Variants in VPS54 observed in about 807,000 individuals in gnomAD.
VPS54 encodes the protein VPS54 subunit of GARP complex.
Under a neutral mutation model 121.5 loss-of-function variants are expected in VPS54, and 45 were observed. The ratio of observed to expected loss-of-function variants is 0.37; its 90% CI spans 0.29 to 0.47. The LOEUF (loss-of-function observed/expected upper bound fraction) is 0.47. VPS54 is among the 20% of genes least tolerant of loss of function. The pLI is 0.99. For synonymous variants in VPS54, 371 were observed against 385.8 expected (o/e 0.96, Z 0.45); for missense variants, 1,090 against 1,131.4 (o/e 0.96, Z 0.52).
At chr2:63,969,706 C>G (rs958107855) in intron 4 of VPS54, among the ~76,000 whole-genome samples, 1 of 152,100 alleles carries the variant, frequency 6.6e-6, no homozygotes, top group Non-Finnish European at 1.5e-5. Context: ...CCCCGCAAAC[C>G]CCTTGGTCTA....
In VPS54 at chr2:63,937,866, T is replaced by C. The variant is rs553108160; in HGVS notation, c.1399-3853A>G. On this transcript the variant is annotated intron_variant, in intron 11 of 22. Coordinates refer to ENST00000272322, the MANE Select transcript of VPS54 (RefSeq NM_016516.3). Reference sequence around the variant, plus strand: ...AACATGCTACAACACAGATGGCACCTTGAGGACATTAAGCTACATTAAATA... The same window carrying C: ...AACATGCTACAACACAGATGGCACCCTGAGGACATTAAGCTACATTAAATA... 5.9e-5 allele frequency among the ~76,000 whole-genome samples: 9 copies of C among 152,270 alleles called. No individual in the cohort carries two copies. The East Asian group carries it at 1.7e-3, about 29-fold the overall frequency.
chr2:64,015,042 C>A (rs763886571), intron 1 of VPS54, among the ~76,000 whole-genome samples: 3 of 151,714 alleles, frequency 2.0e-5, no homozygotes, highest in Non-Finnish European at 4.4e-5. Flanking sequence ...AAGTGTTATA[C>A]ATACATATAT....
chr2:63,985,907 T>A (rs1677030184), intron 1 of VPS54, among the ~76,000 whole-genome samples: 1 of 152,178 alleles, frequency 6.6e-6, no homozygotes, highest in Non-Finnish European at 1.5e-5. Context: ...TTAAGAGAGA[T>A]AAACATGTAT....
intron 1 of VPS54, among the ~76,000 whole-genome samples, chr2:64,000,165 A>G (rs1230280622): frequency 6.6e-6 from 1 of 152,102 alleles, no homozygotes; most frequent in African/African-American, 2.4e-5. Context: ...CGGCCGATCA[A>G]CTGCTTTTAA....
chr2:63,893,704 AT>A (rs1282629665), intron 22 of VPS54, among the ~76,000 whole-genome samples, 169 bp from the exon 23 acceptor site: 1 of 152,242 alleles, frequency 6.6e-6, no homozygotes, highest in African/African-American at 2.4e-5. Context: ...TAAGTAGGCC[AT>A]TTAATGCTGT....
chr2:63,899,361 AATC>A (rs1224805591), intron 21 of VPS54, 110 bp downstream of exon 21: 2 of 846,890 alleles, frequency 2.4e-6, no homozygotes, highest in Non-Finnish European at 3.6e-6. Context: ...AAAAAATGAT[AATC>A]ATATTGGAAC....
chr2:64,013,007 C>A (rs1421633567), intron 1 of VPS54, among the ~76,000 whole-genome samples: 1 of 152,198 alleles, frequency 6.6e-6, no homozygotes, highest in African/African-American at 2.4e-5. Context: ...AATCCTCCAA[C>A]ATAATGACTG....
intron 3 of VPS54, among the ~76,000 whole-genome samples, chr2:63,978,545 C>A (rs1485495689): frequency 6.6e-6 from 1 of 152,210 alleles, no homozygotes; most frequent in Non-Finnish European, 1.5e-5. Context: ...CCATGTGGAT[C>A]TGAGCTTTCT....
At chr2:63,974,960 G>C in intron 3 of VPS54, 2 of 1,541,528 alleles carry the variant, frequency 1.3e-6, no homozygotes, top group East Asian at 4.9e-5. Flanking sequence ...AATGTTAAAA[G>C]AAACAGTGAC....
rs1451824565 is a variant in VPS54 at position 63,949,241 on chromosome 2, G to T, written c.1011-78C>A. On this transcript the variant is annotated intron_variant, in intron 7 of 22. Coordinates refer to ENST00000272322, the MANE Select transcript of VPS54 (RefSeq NM_016516.3). Reference sequence around the variant, plus strand: ...CGCTCCACAATCAAGGGAACTAGTAGGTAAAACTTTTTCAGTTGACAGTAC... The same window carrying T: ...CGCTCCACAATCAAGGGAACTAGTATGTAAAACTTTTTCAGTTGACAGTAC... 9 of 1,451,386 alleles carry T rather than the reference G, an allele frequency of 6.2e-6. No individual in the cohort carries two copies. The African/African-American group carries it at 1.3e-4, about 21-fold the overall frequency. The allele number at this position is 1,451,386 out of a possible 1,614,324, so 89.9% of individuals were successfully genotyped here.
chr2:63,894,315 G>A (rs1415120928), intron 22 of VPS54, among the ~76,000 whole-genome samples: 1 of 152,146 alleles, frequency 6.6e-6, no homozygotes, highest in Admixed American at 6.5e-5. Context: ...CACACCATTA[G>A]ACATGTATAA....
chr2:63,953,459 A>C (rs1675352020), intron 7 of VPS54, among the ~76,000 whole-genome samples: 1 of 152,142 alleles, frequency 6.6e-6, no homozygotes, highest in Non-Finnish European at 1.5e-5. Context: ...AATGCCACAA[A>C]TGTATTATAT....
intron 8 of VPS54, among the ~76,000 whole-genome samples, chr2:63,948,134 G>A (rs1309439707): frequency 6.6e-6 from 1 of 152,026 alleles, no homozygotes; most frequent in African/African-American, 2.4e-5. Flanking sequence ...CCTCACCCAT[G>A]CTTTGTAATG....
chr2:63,904,802 G>A (rs1335904013), intron 20 of VPS54, among the ~76,000 whole-genome samples: 1 of 152,112 alleles, frequency 6.6e-6, no homozygotes, highest in Non-Finnish European at 1.5e-5. Context: ...GCCACATTCT[G>A]GGCCACAAAA....
chr2:63,933,474 T>C (rs899873898), intron 12 of VPS54, among the ~76,000 whole-genome samples, 199 bp downstream of exon 12: 1 of 152,216 alleles, frequency 6.6e-6, no homozygotes, highest in Non-Finnish European at 1.5e-5. Flanking sequence ...CTTAAAACTC[T>C]ATAATTTTCA....
intron 11 of VPS54, among the ~76,000 whole-genome samples, chr2:63,939,613 G>T (rs1410807027): frequency 6.6e-6 from 1 of 151,906 alleles, no homozygotes; most frequent in African/African-American, 2.4e-5. Context: ...AAATAGAAAA[G>T]AATAAAAAAT....
intron 22 of VPS54, 120 bp from the exon 23 acceptor site, chr2:63,893,655 G>C: frequency 1.2e-6 from 1 of 804,450 alleles, no homozygotes; most frequent in Non-Finnish European, 1.9e-6. Context: ...TAGTGCCCAA[G>C]TGTCCAAATA....
rs760235810 is a variant in VPS54, at chr2:63,916,853, T to G, written c.2228+47A>C. ...CTTCAAGGGAGAACTAGAAGACTTGTGTTTTAAATAGTTGACTCAACTACT... is the reference window on the plus strand; with the variant it reads ...CTTCAAGGGAGAACTAGAAGACTTGGGTTTTAAATAGTTGACTCAACTACT... On this transcript the variant is annotated intron_variant, in intron 16 of 22. Coordinates refer to ENST00000272322, the MANE Select transcript of VPS54 (RefSeq NM_016516.3). 13 of 1,575,762 alleles carry G rather than the reference T, an allele frequency of 8.2e-6. No individual in the cohort carries two copies. The African/African-American group carries it at 1.1e-4, about 13-fold the overall frequency.
chr2:63,966,738 T>C (rs1676019113), intron 5 of VPS54, among the ~76,000 whole-genome samples: 1 of 152,222 alleles, frequency 6.6e-6, no homozygotes, highest in African/African-American at 2.4e-5. Context: ...CTTCATTGTT[T>C]TTCTGGACCC....
Sources: gnomAD v4.1 joint callset for allele counts (sites outside exome capture counted in the v4.1 genomes callset) on GRCh38, gnomAD v4.1.1 for gene constraint, MANE v1.5 for transcripts, NCBI Gene and HGNC (gene_info 2026-07-23, HGNC 2026-07-21) for gene names.